NEDD4L: variants seen among roughly 807,000 people sequenced by gnomAD.
The protein encoded by NEDD4L is E3 ubiquitin-protein ligase NEDD4-like.
NEDD4L carries 54 observed loss-of-function variants against 148.9 expected under a neutral mutation model. That is an observed-to-expected ratio of 0.36 (90% confidence interval 0.29 to 0.45). The LOEUF (loss-of-function observed/expected upper bound fraction) is 0.45. Among genes scored for constraint, NEDD4L ranks in the 20% least tolerant of loss-of-function variants. The pLI, the probability that NEDD4L is intolerant of heterozygous loss-of-function variation, is 1.00. For missense variants in NEDD4L, 856 were observed against 1,233.8 expected (o/e 0.69, Z 4.59); for synonymous variants, 433 against 440.7 (o/e 0.98, Z 0.22).
At chr18:58,315,107 T>C (rs990755161) in intron 5 of NEDD4L, among the ~76,000 whole-genome samples, 1 of 152,186 alleles carries the variant, frequency 6.6e-6, no homozygotes, top group African/African-American at 2.4e-5. Context: ...TTACGCATTT[T>C]GAATGTGGTG....
intron 5 of NEDD4L, among the ~76,000 whole-genome samples, chr18:58,275,966 T>G (rs2051869679): frequency 6.6e-6 from 1 of 152,180 alleles, no homozygotes; most frequent in African/African-American, 2.4e-5. Flanking sequence ...CAGTCATCTT[T>G]TTGGTGCTGT....
chr18:58,203,739 C>G (rs540079613), intron 2 of NEDD4L, among the ~76,000 whole-genome samples: 1 of 150,792 alleles, frequency 6.6e-6, no homozygotes, highest in Admixed American at 6.6e-5. Flanking sequence ...ATGAAATTCT[C>G]CATTTGGTAG....
At chr18:58,268,607 A>G (rs1373736953) in intron 5 of NEDD4L, among the ~76,000 whole-genome samples, 2 of 152,108 alleles carry the variant, frequency 1.3e-5, no homozygotes, top group African/African-American at 4.8e-5. Context: ...AGTTCATGGA[A>G]AAGGCAAGAA....
In NEDD4L at chr18:58,383,084, CA is replaced by C. The variant is rs1568923622; in HGVS notation, c.2353-156del. Among the ~76,000 whole-genome samples, 6 of 152,100 alleles carry C rather than the reference CA, an allele frequency of 3.9e-5. No individual in the cohort carries two copies. In the South Asian group the frequency reaches 1.2e-3, roughly 31 times the overall value. The stretch of plus-strand genomic sequence containing the variant: ...CATCTTTAACTGTGTAACATCCTAG[CA>C]AAAAAGCCTCATTGGACATTCTCTT... On this transcript the variant is annotated intron_variant, in intron 24 of 30. Transcript: ENST00000400345.
At position 58,347,205 on chromosome 18, in the gene NEDD4L, G is replaced by GCCCCCC. The variant is rs138430099; in HGVS notation, c.1576-2329_1576-2324dup. 9.7e-3 allele frequency among the ~76,000 whole-genome samples: 385 copies of GCCCCCC among 39,572 alleles called. 14 individuals are homozygous for GCCCCCC. Among genetic ancestry groups the GCCCCCC allele is most frequent in the African/African-American group, 0.012 (87 of 7,152 alleles). The allele number at this position is 39,572 out of a possible 152,430, so 26.0% of individuals were successfully genotyped here. A position where few individuals can be genotyped will look rare whatever the true frequency, so the allele number is the denominator to read the frequency against. ...AATTTCAGCTTCTTTTCACGCTACG[G>GCCCCCC]CCCCCCCCGCCCCCCCCCCCCCTTT... On this transcript the variant is annotated intron_variant, in intron 16 of 30. Coordinates refer to ENST00000400345, the MANE Select transcript of NEDD4L (RefSeq NM_001144967.3).
intron 1 of NEDD4L, among the ~76,000 whole-genome samples, chr18:58,134,353 C>G: frequency 4.0e-5 from 1 of 24,792 alleles, no homozygotes; most frequent in Non-Finnish European, 6.7e-5. Context: ...AAAGCAATTC[C>G]ATTTCTTTTT....
At chr18:58,214,834 CAG>C (rs2043001414) in intron 2 of NEDD4L, among the ~76,000 whole-genome samples, 1 of 127,898 alleles carries the variant, frequency 7.8e-6, no homozygotes, top group Non-Finnish European at 1.7e-5. Flanking sequence ...GTTGTTGAGA[CAG>C]AGTCTCACTG....
chr18:58,261,485 G>A (rs1252523224), intron 5 of NEDD4L, among the ~76,000 whole-genome samples: 2 of 152,182 alleles, frequency 1.3e-5, no homozygotes, highest in Non-Finnish European at 2.9e-5. Flanking sequence ...TTAAGATACT[G>A]TCTTTTAGAG....
chr18:58,152,470 C>T (rs554550694), intron 1 of NEDD4L, among the ~76,000 whole-genome samples: 1 of 152,320 alleles, frequency 6.6e-6, no homozygotes, highest in South Asian at 2.1e-4. Context: ...CATTTCCATC[C>T]AAGTTTTCTT....
chr18:58,269,897 A>C (rs1488250517), intron 5 of NEDD4L, among the ~76,000 whole-genome samples: 1 of 149,614 alleles, frequency 6.7e-6, no homozygotes, highest in Non-Finnish European at 1.5e-5. Flanking sequence ...GCATTCAAGC[A>C]AGGTTGTAAA....
chr18:58,326,437 T>C (rs2144497894), intron 9 of NEDD4L, among the ~76,000 whole-genome samples: 1 of 152,358 alleles, frequency 6.6e-6, no homozygotes, highest in Non-Finnish European at 1.5e-5. Flanking sequence ...GCTTGGTTGA[T>C]TCTTTTTGTT....
intron 11 of NEDD4L, among the ~76,000 whole-genome samples, chr18:58,331,413 G>A: frequency 6.6e-6 from 1 of 152,216 alleles, no homozygotes; most frequent in Non-Finnish European, 1.5e-5. Flanking sequence ...GTTTGAGTGG[G>A]AGATAGAAGA....
At chr18:58,115,619 T>A (rs2085768200) in intron 1 of NEDD4L, among the ~76,000 whole-genome samples, 1 of 152,000 alleles carries the variant, frequency 6.6e-6, no homozygotes, top group Non-Finnish European at 1.5e-5. Context: ...GATTGAGGAT[T>A]TTTGGACTTT....
chr18:58,280,320 A>G (rs1286172833), intron 5 of NEDD4L, among the ~76,000 whole-genome samples: 1 of 152,138 alleles, frequency 6.6e-6, no homozygotes, highest in Non-Finnish European at 1.5e-5. Context: ...TGTCCAGCCC[A>G]TGCCACTATC....
intron 1 of NEDD4L, among the ~76,000 whole-genome samples, chr18:58,160,791 G>T (rs117704686): frequency 0.02 from 3,080 of 152,252 alleles, 54 homozygotes; most frequent in Non-Finnish European, 0.03. Flanking sequence ...AGACATTTTT[G>T]CTGTGTCTCT....
chr18:58,137,086 G>T (rs761864280), intron 1 of NEDD4L, among the ~76,000 whole-genome samples: 3 of 152,186 alleles, frequency 2.0e-5, no homozygotes, highest in South Asian at 4.1e-4. Flanking sequence ...TTAAATGATT[G>T]AGCAATATTT....
At chr18:58,108,684 G>A (rs1240481589) in intron 1 of NEDD4L, among the ~76,000 whole-genome samples, 1 of 152,160 alleles carries the variant, frequency 6.6e-6, no homozygotes, top group African/African-American at 2.4e-5. Context: ...GCCCCCCAAA[G>A]TGTTGCGATT....
chr18:58,310,108 T>C (rs187569283), intron 5 of NEDD4L, among the ~76,000 whole-genome samples: 1 of 152,334 alleles, frequency 6.6e-6, no homozygotes, highest in East Asian at 1.9e-4. Flanking sequence ...GTAATAAGTG[T>C]TCCTCAAAAT....
rs2048643203 is a variant in NEDD4L at position 58,256,774 on chromosome 18, G to A, written c.297+4720G>A. 6 of 1,231,764 alleles carry A rather than the reference G, an allele frequency of 4.9e-6. No homozygotes were observed. Among genetic ancestry groups the A allele is most frequent in the Admixed American group, 4.2e-5 (1 of 23,700 alleles). 76.3% of individuals were successfully genotyped at this position (1,231,764 alleles called of 1,614,324 possible). On this transcript the variant is annotated intron_variant, in intron 5 of 30. Coordinates refer to ENST00000400345, the MANE Select transcript of NEDD4L (RefSeq NM_001144967.3). This position sits in a 1 kb window ranked among gnomAD's most constrained non-coding sequence, Gnocchi z 5.2. Reference sequence around the variant, plus strand: ...CTGTTTCCACGGGAGCTGACACCACGGTAAGTTCACAGCGTGTTTACATGT... The same window carrying A: ...CTGTTTCCACGGGAGCTGACACCACAGTAAGTTCACAGCGTGTTTACATGT...
Sources: allele counts gnomAD v4.1 joint callset (sites outside exome capture counted in the v4.1 genomes callset), GRCh38; gene constraint gnomAD v4.1.1; non-coding constraint Gnocchi (gnomAD v3.1); transcripts MANE v1.5; gene names NCBI Gene and HGNC (gene_info 2026-07-23, HGNC 2026-07-21).